Variants in TACR1 observed in about 807,000 individuals in gnomAD.
TACR1 encodes the protein substance-P receptor.
A neutral mutation model predicts 35.8 loss-of-function variants in TACR1; 25 were observed. That is an observed-to-expected ratio of 0.70 (90% CI 0.51 to 0.98). The LOEUF (loss-of-function observed/expected upper bound fraction) is 0.98. Ranked by LOEUF, TACR1 falls within the 50% of genes least tolerant of loss-of-function variation. TACR1 has a pLI of 0.00. For missense variants in TACR1, 478 were observed against 522.9 expected, an observed-to-expected ratio of 0.91 and a Z score of 0.84; for synonymous variants, 195 against 206.7, an observed-to-expected ratio of 0.94 and a Z score of 0.48.
chr2:75,124,000 C>T (rs902897627), intron 1 of TACR1, among the ~76,000 whole-genome samples: 2 of 152,146 alleles, frequency 1.3e-5, no homozygotes, highest in African/African-American at 4.8e-5. Flanking sequence ...TTGACTGCAC[C>T]GTGCTCGTGG....
intron 1 of TACR1, among the ~76,000 whole-genome samples, chr2:75,166,633 A>C (rs1484800414): frequency 6.6e-6 from 1 of 152,252 alleles, no homozygotes; most frequent in Non-Finnish European, 1.5e-5. Flanking sequence ...TAGTCTCAAG[A>C]TATTTTCAAA....
chr2:75,134,521 C>T (rs1046457899), intron 1 of TACR1, among the ~76,000 whole-genome samples: 2 of 152,086 alleles, frequency 1.3e-5, no homozygotes, highest in African/African-American at 4.8e-5. Flanking sequence ...AGGACATTTA[C>T]GCCTGGGCAG....
intron 1 of TACR1, among the ~76,000 whole-genome samples, chr2:75,131,097 C>CTT (rs962093238): frequency 3.5e-5 from 5 of 144,560 alleles, no homozygotes; most frequent in African/African-American, 1.3e-4. Flanking sequence ...ATTTTTTTTT[C>CTT]TTTTTTTTTT....
rs541035841 is a variant in TACR1 at position 75,102,075 on chromosome 2, C to T, written c.584+18499G>A. 2.0e-5 allele frequency among the ~76,000 whole-genome samples: 3 copies of T among 152,298 alleles called. No individual in the cohort carries two copies. The East Asian group carries it at 5.8e-4, about 29-fold the overall frequency. The stretch of plus-strand genomic sequence containing the variant: ...AAGCATTAGTGCCATGGGGTTTGTC[C>T]TCTTTTCCTGCTTTTGAACTCAGGC... On this transcript the variant is annotated intron_variant, in intron 2 of 4. Transcript: ENST00000305249.
In TACR1 at chr2:75,120,640, G is replaced by T; in HGVS notation, c.518C>A (p.Thr173Asn). The change falls in exon 2 of 5, where the codon ACC becomes AAC. Residue 173 changes from threonine to asparagine, a missense_variant. Physicochemically the swap from Thr to Asn is moderately conservative, Grantham distance 65. Transcript: ENST00000305249. Reference protein sequence around the residue: ...FPQGYYSTTETMPSRVVCMIE... With the variant: ...FPQGYYSTTENMPSRVVCMIE... Reference sequence around the variant, plus strand: ...CATGCACACGACTCTGCTGGGCATGGTCTCTGTGGTTGAGTAGTAGCCCTG... The same window carrying T: ...CATGCACACGACTCTGCTGGGCATGTTCTCTGTGGTTGAGTAGTAGCCCTG... 2 of 1,614,032 alleles carry T rather than the reference G, an allele frequency of 1.2e-6. No individual in the cohort carries two copies. Among genetic ancestry groups the T allele is most frequent in the African/African-American group, 1.3e-5 (1 of 75,030 alleles).
At chr2:75,093,930 A>G (rs1049444436) in intron 2 of TACR1, among the ~76,000 whole-genome samples, 7 of 152,088 alleles carry the variant, frequency 4.6e-5, no homozygotes, top group African/African-American at 1.4e-4. Flanking sequence ...ATGTGAGGAA[A>G]CAGGCCCACA....
At chr2:75,130,703 CA>C (rs1674161255) in intron 1 of TACR1, among the ~76,000 whole-genome samples, 2 of 152,294 alleles carry the variant, frequency 1.3e-5, no homozygotes, top group African/African-American at 4.8e-5. Context: ...TTTATCACAC[CA>C]AAGCGTTAAT....
rs1437230893 is a variant in TACR1 at position 75,046,542 on chromosome 2, G to A, written c.*2890C>T. Reference sequence around the variant, plus strand: ...GGAAAACACGGAAACCTCAGGAATGGCCCCTCTCCACTTATACTCCTCTCC... The same window carrying A: ...GGAAAACACGGAAACCTCAGGAATGACCCCTCTCCACTTATACTCCTCTCC... On this transcript the variant is annotated 3_prime_UTR_variant, in exon 5 of 5. Coordinates refer to ENST00000305249, the MANE Select transcript of TACR1 (RefSeq NM_001058.4). The A allele has an allele frequency of 6.6e-6, 1 of 152,126 alleles. No homozygotes were observed. The highest frequency in any genetic ancestry group is 2.4e-5 in the African/African-American group (1 of 41,422). 9.4% of individuals were successfully genotyped at this position (152,126 alleles called of 1,614,324 possible).
At position 75,082,984 on chromosome 2, in the gene TACR1, T is replaced by A. The variant is rs1368713038; in HGVS notation, c.585-29229A>T. Reference sequence around the variant, plus strand: ...GTTGCCATTGCTTTTGGTGTTTTAGTCATGAAGTCCTTGCCCATGCCTATG... The same window carrying A: ...GTTGCCATTGCTTTTGGTGTTTTAGACATGAAGTCCTTGCCCATGCCTATG... On this transcript the variant is annotated intron_variant, in intron 2 of 4. Transcript: ENST00000305249. 9.2e-5 allele frequency among the ~76,000 whole-genome samples: 14 copies of A among 152,150 alleles called. No individual in the cohort carries two copies. In the South Asian group the frequency reaches 1.9e-3, roughly 20 times the overall value.
intron 1 of TACR1, among the ~76,000 whole-genome samples, chr2:75,149,737 C>T (rs1428641215): frequency 6.6e-6 from 1 of 152,166 alleles, no homozygotes; most frequent in Non-Finnish European, 1.5e-5. Context: ...TTATTTCTTT[C>T]TCTTGCCTGA....
At chr2:75,050,719 G>GT (rs760344575) in intron 4 of TACR1, among the ~76,000 whole-genome samples, 6 of 152,348 alleles carry the variant, frequency 3.9e-5, no homozygotes, top group Middle Eastern at 3.4e-3. Flanking sequence ...GCCTTACCTT[G>GT]TCCTGCTGGA....
intron 1 of TACR1, among the ~76,000 whole-genome samples, chr2:75,165,285 C>T (rs1675111360): frequency 6.6e-6 from 1 of 152,052 alleles, no homozygotes; most frequent in Non-Finnish European, 1.5e-5. Flanking sequence ...GGGCTGGTGT[C>T]CCATCTTCCA....
rs62148938 is a variant in TACR1, at chr2:75,049,135, G to T, written c.*297C>A. The T allele has an allele frequency of 3.0e-5, 11 of 369,810 alleles. No individual in the cohort carries two copies. Among genetic ancestry groups the T allele is most frequent in the South Asian group, 2.2e-4 (4 of 18,288 alleles). 22.9% of individuals were successfully genotyped at this position (369,810 alleles called of 1,614,324 possible). Reference sequence around the variant, plus strand: ...AAATGAGCACTCGCATGCAGCCAAAGTCACTTCCAGAATGGAATGAATGGG... The same window carrying T: ...AAATGAGCACTCGCATGCAGCCAAATTCACTTCCAGAATGGAATGAATGGG... On this transcript the variant is annotated 3_prime_UTR_variant, in exon 5 of 5. Coordinates refer to ENST00000305249, the MANE Select transcript of TACR1 (RefSeq NM_001058.4).
intron 1 of TACR1, among the ~76,000 whole-genome samples, chr2:75,138,149 C>T (rs1194968853): frequency 1.3e-5 from 2 of 152,174 alleles, no homozygotes; most frequent in East Asian, 3.9e-4. Context: ...AGATGGGACC[C>T]CCACCCATCA....
At chr2:75,113,248 TTC>T (rs1214664381) in intron 2 of TACR1, among the ~76,000 whole-genome samples, 1 of 152,192 alleles carries the variant, frequency 6.6e-6, no homozygotes, top group Non-Finnish European at 1.5e-5. Context: ...CCTCTGTGCT[TTC>T]TCTTTCTCCA....
intron 1 of TACR1, among the ~76,000 whole-genome samples, chr2:75,126,966 G>T (rs1674086174): frequency 6.6e-6 from 1 of 152,144 alleles, no homozygotes; most frequent in Non-Finnish European, 1.5e-5. Flanking sequence ...AGTCAGAATG[G>T]CTATTTTGAA....
intron 2 of TACR1, among the ~76,000 whole-genome samples, chr2:75,093,878 G>T (rs916487328): frequency 1.3e-5 from 2 of 151,958 alleles, no homozygotes; most frequent in Non-Finnish European, 2.9e-5. Context: ...AGAATCCTGG[G>T]GTATTAGAAT....
chr2:75,059,636 C>A (rs1490135284), intron 2 of TACR1, among the ~76,000 whole-genome samples: 1 of 152,188 alleles, frequency 6.6e-6, no homozygotes, highest in Non-Finnish European at 1.5e-5. Context: ...AGTGAAAAAA[C>A]CTGTGGTCAC....
intron 1 of TACR1, among the ~76,000 whole-genome samples, chr2:75,170,668 G>T (rs1675256137): frequency 6.6e-6 from 1 of 152,328 alleles, no homozygotes; most frequent in Non-Finnish European, 1.5e-5. Flanking sequence ...TAAAGTCCAG[G>T]CTGAGGTGGT....
Sources: gnomAD v4.1 joint callset for allele counts (sites outside exome capture counted in the v4.1 genomes callset) on GRCh38, gnomAD v4.1.1 for gene constraint, MANE v1.5 for transcripts, NCBI Gene and HGNC (gene_info 2026-07-23, HGNC 2026-07-21) for gene names.